Variants in PCDH7 observed in about 807,000 individuals in gnomAD.
PCDH7 encodes the protein protocadherin-7.
Under a neutral mutation model 58.9 loss-of-function variants are expected in PCDH7, and 17 were observed. The ratio of observed to expected loss-of-function variants is 0.29; its 90% confidence interval spans 0.20 to 0.43. The LOEUF (loss-of-function observed/expected upper bound fraction) is 0.43, where lower values mean the gene tolerates loss of function less well. PCDH7 is among the 20% of genes least tolerant of loss of function. The pLI is 1.00. For synonymous variants in PCDH7, 664 were observed against 616.4 expected (o/e 1.08, Z -1.14); for missense variants, 1,274 against 1,441.0 (o/e 0.88, Z 1.88).
At position 30,992,263 on chromosome 4, in the gene PCDH7, C is replaced by G. The variant is rs540517552; in HGVS notation, c.*7+42048C>G. On this transcript the variant is annotated intron_variant, in intron 3 of 3. Coordinates refer to the PCDH7 transcript ENST00000509759. Reference sequence around the variant, plus strand: ...ACGGTCATATGATGCAACATGTCCTCTAAGGAAACTTTTATTCTTTATGGT... The same window carrying G: ...ACGGTCATATGATGCAACATGTCCTGTAAGGAAACTTTTATTCTTTATGGT... Among the ~76,000 whole-genome samples the G allele has an allele frequency of 5.9e-5, 9 of 152,280 alleles. No homozygotes were observed. The South Asian group carries it at 1.9e-3, about 32-fold the overall frequency.
chr4:30,755,152 G>A (rs984385837), intron 1 of PCDH7, among the ~76,000 whole-genome samples: 1 of 152,132 alleles, frequency 6.6e-6, no homozygotes, highest in East Asian at 1.9e-4. Context: ...AGACCTCACC[G>A]AGTATCTCAT....
intron 1 of PCDH7, among the ~76,000 whole-genome samples, chr4:30,913,940 C>A (rs1742085547): frequency 6.6e-6 from 1 of 152,186 alleles, no homozygotes; most frequent in South Asian, 2.1e-4. Context: ...CCTTTTAAGT[C>A]TCTGAGATTA....
intron 3 of PCDH7, among the ~76,000 whole-genome samples, chr4:31,006,703 A>C (rs1212504778): frequency 6.6e-6 from 1 of 151,830 alleles, no homozygotes. Context: ...GACCAGCTTG[A>C]CCAACATGGA....
At chr4:30,994,081 T>TGGA (rs1751683511) in intron 3 of PCDH7, among the ~76,000 whole-genome samples, 1 of 151,772 alleles carries the variant, frequency 6.6e-6, no homozygotes, top group Non-Finnish European at 1.5e-5. Context: ...AATAGTGGTG[T>TGGA]GGGCATCCTA....
chr4:30,884,472 T>A (rs1269021281), intron 1 of PCDH7: 1 of 152,236 alleles, frequency 6.6e-6, no homozygotes, highest in East Asian at 1.9e-4. Flanking sequence ...ATTAGGGTAG[T>A]GCATAGTATG....
rs372280253 is a variant in PCDH7, at chr4:31,064,858, AAC to A, written c.*8-77602_*8-77601del. Among the ~76,000 whole-genome samples the A allele has an allele frequency of 9.9e-3, 1,501 of 151,400 alleles. 21 individuals are homozygous for A. The highest frequency in any genetic ancestry group is 0.035 in the African/African-American group (1,435 of 41,388). On this transcript the variant is annotated intron_variant, in intron 3 of 3. Coordinates refer to the PCDH7 transcript ENST00000509759. Reference sequence around the variant, plus strand: ...GGGGACACAAGTCAATTCAGTTCATAACACACACACACACTATACTTGTGCAA... The same window carrying A: ...GGGGACACAAGTCAATTCAGTTCATAACACACACACACTATACTTGTGCAA...
chr4:30,778,253 A>G (rs1722329939), intron 1 of PCDH7, among the ~76,000 whole-genome samples: 1 of 152,176 alleles, frequency 6.6e-6, no homozygotes, highest in African/African-American at 2.4e-5. Flanking sequence ...GGTAGACTTT[A>G]ATTAAACTAA....
At chr4:30,992,419 A>C (rs1316866792) in intron 3 of PCDH7, among the ~76,000 whole-genome samples, 4 of 152,180 alleles carry the variant, frequency 2.6e-5, no homozygotes. Flanking sequence ...CAACAACCTT[A>C]TACCGTTAGG....
intron 3 of PCDH7, among the ~76,000 whole-genome samples, chr4:31,041,849 G>A (rs1416004914): frequency 6.6e-6 from 1 of 152,112 alleles, no homozygotes; most frequent in East Asian, 1.9e-4. Context: ...CTATTTCTGA[G>A]GAATAAATGT....
intron 1 of PCDH7, among the ~76,000 whole-genome samples, chr4:30,826,314 G>T (rs1032050649): frequency 2.6e-5 from 4 of 152,106 alleles, no homozygotes; most frequent in African/African-American, 9.7e-5. Flanking sequence ...CTGGGACATG[G>T]ATTATATACA....
chr4:30,990,827 C>T (rs891949374), intron 3 of PCDH7, among the ~76,000 whole-genome samples: 6 of 152,148 alleles, frequency 3.9e-5, no homozygotes, highest in Non-Finnish European at 8.8e-5. Context: ...CCATCTTGCT[C>T]AACTTCCCAT....
At chr4:30,902,248 C>T (rs1740312213) in intron 1 of PCDH7, among the ~76,000 whole-genome samples, 2 of 152,108 alleles carry the variant, frequency 1.3e-5, no homozygotes, top group African/African-American at 4.8e-5. Context: ...TTCTATTGGT[C>T]AGTTGTTGCA....
intron 1 of PCDH7, among the ~76,000 whole-genome samples, chr4:30,801,909 C>T (rs1725570232): frequency 1.3e-5 from 2 of 152,190 alleles, no homozygotes; most frequent in Non-Finnish European, 2.9e-5. Flanking sequence ...AGAGAGAATG[C>T]TGCTGAAATG....
chr4:30,908,007 C>A (rs576820158), intron 1 of PCDH7, among the ~76,000 whole-genome samples: 134 of 152,164 alleles, frequency 8.8e-4, no homozygotes, highest in African/African-American at 3.1e-3. Flanking sequence ...GGACAGAAAA[C>A]CATTCACTGC....
At position 30,915,303 on chromosome 4, in the gene PCDH7, T is replaced by C. The variant is rs75980166; in HGVS notation, c.71-4850T>C. On this transcript the variant is annotated intron_variant, in intron 1 of 3. Coordinates refer to the PCDH7 transcript ENST00000509759. ...TCTCCATTGATTGACAAGCCAATCT[T>C]CTACTTCTTTTGGTCCAACCTACAA... Among the ~76,000 whole-genome samples, 139 of 152,306 alleles carry C rather than the reference T, an allele frequency of 9.1e-4. 2 individuals are homozygous for C. In the East Asian group the frequency reaches 0.017, roughly 19 times the overall value.
At chr4:31,130,635 G>A (rs1335766130) in intron 3 of PCDH7, among the ~76,000 whole-genome samples, 1 of 152,180 alleles carries the variant, frequency 6.6e-6, no homozygotes, top group Non-Finnish European at 1.5e-5. Flanking sequence ...ATCTGCCAGA[G>A]CTAAAATCAA....
chr4:31,120,647 C>T (rs187255421), intron 3 of PCDH7, among the ~76,000 whole-genome samples: 64 of 152,042 alleles, frequency 4.2e-4, no homozygotes, highest in Admixed American at 3.4e-3. Flanking sequence ...CTCATTTGTT[C>T]GCTGCAATGT....
chr4:30,772,514 A>C (rs909287204), intron 1 of PCDH7, among the ~76,000 whole-genome samples: 1 of 152,138 alleles, frequency 6.6e-6, no homozygotes, highest in Non-Finnish European at 1.5e-5. Context: ...CAAAACTGCT[A>C]CTGTGTTTGG....
At chr4:31,113,066 C>T (rs1313290795) in intron 3 of PCDH7, among the ~76,000 whole-genome samples, 1 of 151,924 alleles carries the variant, frequency 6.6e-6, no homozygotes, top group African/African-American at 2.4e-5. Context: ...GCAGGTCTAA[C>T]CATTGCAAGC....
Sources: allele counts gnomAD v4.1 joint callset (sites outside exome capture counted in the v4.1 genomes callset), GRCh38; gene constraint gnomAD v4.1.1; transcripts MANE v1.5; gene names NCBI Gene and HGNC (gene_info 2026-07-23, HGNC 2026-07-21).